Variants in SLC37A2 observed in about 807,000 individuals in gnomAD.
The protein encoded by SLC37A2 is solute carrier family 37 member 2.
Under a neutral mutation model 70.7 loss-of-function variants are expected in SLC37A2, and 59 were observed. That is an observed-to-expected ratio of 0.83 (90% CI 0.68 to 1.04). The LOEUF (loss-of-function observed/expected upper bound fraction) is 1.04. SLC37A2 is among the 50% of genes least tolerant of loss of function. SLC37A2 has a pLI of 0.00. For missense variants in SLC37A2, 580 were observed against 658.1 expected (o/e 0.88, Z 1.30); for synonymous variants, 257 against 262.1 (o/e 0.98, Z 0.19).
At position 125,080,705 on chromosome 11, in the gene SLC37A2, TG is replaced by T; in HGVS notation, c.623del (p.Gly208AlafsTer139). 1 of 1,580,302 alleles carries T rather than the reference TG, an allele frequency of 6.3e-7. No individual in the cohort carries two copies. ...LIAGIWVNGQWGLSFIVPGII... is the reference protein window; with the variant it reads ...LIAGIWVNGQXGLSFIVPGII... ...CGCCGGCATCTGGGTGAACGGGCAG[TG>T]GGGCCTGTCGTTCATCGTGCCTGGC... On this transcript the variant is annotated frameshift_variant, in exon 7 of 18. Coordinates refer to ENST00000403796, the MANE Select transcript of SLC37A2 (RefSeq NM_001145290.2). LOFTEE classifies it high-confidence loss of function. This position sits in a 1 kb window ranked among gnomAD's most constrained non-coding sequence, Gnocchi z 4.3.
intron 10 of SLC37A2, 72 bp downstream of exon 10, chr11:125,082,406 C>T (rs1350889040): frequency 2.2e-5 from 29 of 1,331,024 alleles, no homozygotes; most frequent in Non-Finnish European, 2.5e-5. Flanking sequence ...AGAGGAAGCC[C>T]GTCGTGGTGA....
In SLC37A2 at chr11:125,083,894, C is replaced by T; in HGVS notation, c.1039+17C>T. On this transcript the variant is annotated intron_variant, in intron 11 of 17. Coordinates refer to ENST00000403796, the MANE Select transcript of SLC37A2 (RefSeq NM_001145290.2). This position sits in a 1 kb window ranked among gnomAD's most constrained non-coding sequence, Gnocchi z 4.6. ...GCATCATAGGTGAGGCCTTGCCCTGCTCTGCCAGCAGGCTCCCTTCCCCTC... is the reference window on the plus strand; with the variant it reads ...GCATCATAGGTGAGGCCTTGCCCTGTTCTGCCAGCAGGCTCCCTTCCCCTC... The T allele has an allele frequency of 6.2e-7, 1 of 1,612,928 alleles. No individual in the cohort carries two copies. Among genetic ancestry groups the T allele is most frequent in the African/African-American group, 1.3e-5 (1 of 75,018 alleles).
chr11:125,082,645 C>T (rs1274159971), intron 10 of SLC37A2, among the ~76,000 whole-genome samples: 1 of 152,102 alleles, frequency 6.6e-6, no homozygotes, highest in Admixed American at 6.5e-5. Context: ...TAGGAGAAAC[C>T]CCCTCCAGGC....
At chr11:125,074,591 G>A (rs1251338675) in intron 1 of SLC37A2, among the ~76,000 whole-genome samples, 6 of 151,636 alleles carry the variant, frequency 4.0e-5, no homozygotes, top group Non-Finnish European at 8.8e-5. Context: ...CGGGGAGGGC[G>A]GGCTGGAGTT....
rs1949249858 is a variant in SLC37A2, at chr11:125,088,633, G to C, written c.*499G>C. The C allele has an allele frequency of 6.5e-6, 1 of 154,042 alleles. No individual in the cohort carries two copies. Among genetic ancestry groups the C allele is most frequent in the Non-Finnish European group, 1.4e-5 (1 of 69,170 alleles). The allele number at this position is 154,042 out of a possible 1,614,324, so 9.5% of individuals were successfully genotyped here. A position where few individuals can be genotyped will look rare whatever the true frequency, so the allele number is the denominator to read the frequency against. On this transcript the variant is annotated 3_prime_UTR_variant, in exon 18 of 18. Transcript: ENST00000403796. Reference sequence around the variant, plus strand: ...CTTCTCTGTGCATTTCCCCAAGCTGGGCCCTCTTCTACTCTCCATTTAGGC... The same window carrying C: ...CTTCTCTGTGCATTTCCCCAAGCTGCGCCCTCTTCTACTCTCCATTTAGGC...
At chr11:125,066,706 A>G (rs1391886359) in intron 1 of SLC37A2, among the ~76,000 whole-genome samples, 1 of 152,204 alleles carries the variant, frequency 6.6e-6, no homozygotes, top group African/African-American at 2.4e-5. Flanking sequence ...AACACAATGA[A>G]CATATTAATT....
intron 5 of SLC37A2, 104 bp from the exon 6 acceptor site, chr11:125,079,580 C>A: frequency 3.5e-6 from 3 of 857,064 alleles, no homozygotes; most frequent in Non-Finnish European, 1.9e-6. Context: ...GTATGGAGGG[C>A]CCCTTGGCCA....
At chr11:125,086,659 A>G in intron 17 of SLC37A2, 1 of 291,570 alleles carries the variant, frequency 3.4e-6, no homozygotes, top group Non-Finnish European at 6.7e-6. Flanking sequence ...AACAAATGTG[A>G]ATCAAGCATG....
At position 125,085,973 on chromosome 11, in the gene SLC37A2, A is replaced by G. The variant is rs754301045; in HGVS notation, c.1445A>G (p.Tyr482Cys). The G allele has an allele frequency of 6.8e-6, 11 of 1,614,114 alleles. No homozygotes were observed. The highest frequency in any genetic ancestry group is 9.3e-6 in the Non-Finnish European group (11 of 1,180,014). The change falls in exon 17 of 18, where the codon TAC becomes TGC. Residue 482 changes from tyrosine to cysteine, a missense_variant. Tyr to Cys is a radical substitution (Grantham distance 194, BLOSUM62 -2). Coordinates refer to ENST00000403796, the MANE Select transcript of SLC37A2 (RefSeq NM_001145290.2). ...CCACAGCTCCTTTGCCGGTTAGTAT[A>G]CAAAGAGATCTTGGCCTGGAAGGTG... ...LACLLLCRLV[Y>C]KEILAWKVSL... is the part of the protein sequence containing the mutation.
Position 125,063,562 on chromosome 11 carries a change from C to A in SLC37A2, c.59+136C>A. On this transcript the variant is annotated intron_variant, in intron 1 of 17. Coordinates refer to ENST00000403796, the MANE Select transcript of SLC37A2 (RefSeq NM_001145290.2). The surrounding 1 kb of genome is among the most constrained non-coding windows in gnomAD (Gnocchi z 5.4). The stretch of plus-strand genomic sequence containing the variant: ...GCCAGGGGTGCTGGGGGGACTTGGT[C>A]CCGAGCTCCTCCAGCGGCGCCCGCC... 1.3e-6 allele frequency: 1 copy of A among 766,122 alleles called. No homozygotes were observed. The highest frequency in any genetic ancestry group is 2.0e-6 in the Non-Finnish European group (1 of 500,366). The allele number at this position is 766,122 out of a possible 1,614,324, so 47.5% of individuals were successfully genotyped here.
chr11:125,085,163 G>T (rs768173841), intron 14 of SLC37A2, 24 bp downstream of exon 14: 19 of 1,609,172 alleles, frequency 1.2e-5, no homozygotes, highest in Non-Finnish European at 1.6e-5. Context: ...CCTCCCGAGG[G>T]CCAGGGACCG....
intron 5 of SLC37A2, 49 bp from the exon 6 acceptor site, chr11:125,079,635 A>C: frequency 6.8e-7 from 1 of 1,477,658 alleles, no homozygotes; most frequent in Non-Finnish European, 9.3e-7. Flanking sequence ...GCAGGGAGCC[A>C]GTCGCACAGC....
chr11:125,076,043 C>T (rs1262809073), intron 1 of SLC37A2, among the ~76,000 whole-genome samples: 3 of 152,074 alleles, frequency 2.0e-5, no homozygotes, highest in Non-Finnish European at 4.4e-5. Flanking sequence ...GGGGAGCGGC[C>T]GGGGCACAGT....
intron 8 of SLC37A2, 28 bp from the exon 9 acceptor site, chr11:125,081,726 C>G (rs1855118672): frequency 6.5e-7 from 1 of 1,542,000 alleles, no homozygotes; most frequent in Admixed American, 2.0e-5. Context: ...TGGACGCACC[C>G]ACAGCAGGGC....
rs549960878 is a variant in SLC37A2, at chr11:125,066,262, G to C, written c.59+2836G>C. Among the ~76,000 whole-genome samples, 11 of 152,330 alleles carry C rather than the reference G, an allele frequency of 7.2e-5. No homozygotes were observed. In the East Asian group the frequency reaches 2.1e-3, roughly 29 times the overall value. On this transcript the variant is annotated intron_variant, in intron 1 of 17. Coordinates refer to ENST00000403796, the MANE Select transcript of SLC37A2 (RefSeq NM_001145290.2). ...TAAAGATAAAAACTCTGGCCTGCCA[G>C]GCCCAGTGGCATGCTTACAGTCCCA...
intron 17 of SLC37A2, chr11:125,086,300 G>GCATGC: frequency 1.4e-6 from 2 of 1,445,942 alleles, no homozygotes; most frequent in Non-Finnish European, 1.9e-6. Context: ...AGTGCCATTT[G>GCATGC]AGTGGGGGCT....
At chr11:125,079,626 C>G in intron 5 of SLC37A2, 58 bp from the exon 6 acceptor site, 1 of 1,402,942 alleles carries the variant, frequency 7.1e-7, no homozygotes, top group Non-Finnish European at 9.9e-7. Context: ...GTGGTCAGAG[C>G]AGGGAGCCAG....
Position 125,063,554 on chromosome 11 carries a change from GA to G in SLC37A2, c.59+129del. 1 of 839,438 alleles carries G rather than the reference GA, an allele frequency of 1.2e-6. No individual in the cohort carries two copies. Among genetic ancestry groups the G allele is most frequent in the East Asian group, 3.1e-5 (1 of 32,630 alleles). The allele number at this position is 839,438 out of a possible 1,614,324, so 52.0% of individuals were successfully genotyped here. On this transcript the variant is annotated intron_variant, in intron 1 of 17. Transcript: ENST00000403796. The surrounding 1 kb of genome is among the most constrained non-coding windows in gnomAD (Gnocchi z 5.4). Reference sequence around the variant, plus strand: ...GCCGCGTGGCCAGGGGTGCTGGGGGGACTTGGTCCCGAGCTCCTCCAGCGGC... The same window carrying G: ...GCCGCGTGGCCAGGGGTGCTGGGGGGCTTGGTCCCGAGCTCCTCCAGCGGC...
intron 4 of SLC37A2, among the ~76,000 whole-genome samples, chr11:125,078,027 A>T (rs888016755): frequency 6.6e-6 from 1 of 152,148 alleles, no homozygotes; most frequent in Non-Finnish European, 1.5e-5. Context: ...CATGTGTTCT[A>T]GGAGCTCCGA....
Sources: allele counts gnomAD v4.1 joint callset (sites outside exome capture counted in the v4.1 genomes callset), GRCh38; gene constraint gnomAD v4.1.1; non-coding constraint Gnocchi (gnomAD v3.1); transcripts MANE v1.5; gene names NCBI Gene and HGNC (gene_info 2026-07-23, HGNC 2026-07-21).